The following EIF3B variants were observed in gnomAD, a reference collection of about 807,000 sequenced individuals.
The protein encoded by EIF3B is eukaryotic translation initiation factor 3 subunit B.
A neutral mutation model predicts 104.6 loss-of-function variants in EIF3B; 10 were observed. The observed-to-expected ratio is 0.10, with a 90% confidence interval of 0.06 to 0.16. The LOEUF (loss-of-function observed/expected upper bound fraction) is 0.16, where lower values mean the gene tolerates loss of function less well. Ranked by LOEUF, EIF3B falls within the 10% of genes least tolerant of loss-of-function variation. The pLI is 1.00. For synonymous variants in EIF3B, 542 were observed against 417.2 expected (o/e 1.30, Z -3.65); for missense variants, 1,014 against 1,087.9 (o/e 0.93, Z 0.96).
At chr7:2,375,910 G>A (rs755321602) in intron 14 of EIF3B, 25 of 189,328 alleles carry the variant, frequency 1.3e-4, no homozygotes, top group Admixed American at 3.3e-4. Flanking sequence ...CCCACAACTC[G>A]TATTCCAAAA....
intron 11 of EIF3B, 109 bp downstream of exon 11, chr7:2,371,958 T>C (rs557120775): frequency 4.6e-6 from 4 of 871,032 alleles, no homozygotes; most frequent in South Asian, 4.2e-5. Flanking sequence ...GTCAGGACTG[T>C]GAGCCCTCAC....
rs368514580 is a variant in EIF3B, at chr7:2,364,393, C to G, written c.1021C>G (p.Arg341Gly). Residue 341 changes from arginine (R) to glycine (G), a missense_variant, in exon 6 of 19, where the codon CGT becomes GGT. Physicochemically the swap from Arg to Gly is moderately radical, Grantham distance 125. Coordinates refer to ENST00000360876, the MANE Select transcript of EIF3B (RefSeq NM_001037283.2). ...ERARWTETYV[R>G]WSPKGTYLAT... Reference sequence around the variant, plus strand: ...GCAGAGATGGACAGAGACGTATGTGCGTTGGTCTCCTAAGGGCACCTACCT... The same window carrying G: ...GCAGAGATGGACAGAGACGTATGTGGGTTGGTCTCCTAAGGGCACCTACCT... 1.2e-6 allele frequency: 2 copies of G among 1,608,384 alleles called. No individual in the cohort carries two copies.
At chr7:2,355,516 C>A in intron 1 of EIF3B, 96 bp downstream of exon 1, 2 of 1,380,736 alleles carry the variant, frequency 1.4e-6, no homozygotes, top group South Asian at 3.2e-5. Flanking sequence ...CCGGTTCGTG[C>A]AGAAGTTCCA....
rs145283904 is a variant in EIF3B, at chr7:2,377,409, G to C, written c.2154+334G>C. On this transcript the variant is annotated intron_variant, in intron 15 of 18. Transcript: ENST00000360876. ...GTGGTAAAATAGGCCGTTGGTCTTAGGTCAGAGCAAAGAGGAGGGTTAAAT... is the reference window on the plus strand; with the variant it reads ...GTGGTAAAATAGGCCGTTGGTCTTACGTCAGAGCAAAGAGGAGGGTTAAAT... Among the ~76,000 whole-genome samples, 554 of 152,352 alleles carry C rather than the reference G, an allele frequency of 3.6e-3. 2 individuals are homozygous for C. Among genetic ancestry groups the C allele is most frequent in the African/African-American group, 0.013 (538 of 41,586 alleles).
intron 12 of EIF3B, 53 bp downstream of exon 12, chr7:2,372,848 C>T: frequency 1.9e-6 from 3 of 1,585,116 alleles, no homozygotes; most frequent in Non-Finnish European, 1.7e-6. Context: ...AGATGATGAC[C>T]CAGTCGCTGC....
intron 6 of EIF3B, among the ~76,000 whole-genome samples, chr7:2,365,220 G>A (rs1359447878): frequency 6.6e-6 from 1 of 152,222 alleles, no homozygotes; most frequent in Non-Finnish European, 1.5e-5. Flanking sequence ...AGAGTGCTGG[G>A]ATTACAGGCG....
At chr7:2,374,872 CTG>C in intron 13 of EIF3B, 1 of 384,342 alleles carries the variant, frequency 2.6e-6, no homozygotes, top group Non-Finnish European at 4.7e-6. Context: ...TTGTGGTTCT[CTG>C]TGGTTAAACA....
At position 2,379,010 on chromosome 7, in the gene EIF3B, A is replaced by T. The variant is rs6461351; in HGVS notation, c.2233-124A>T. Reference sequence around the variant, plus strand: ...GGGGAAAAGTGAGAATGAATGGACTAGCCATTCCTGCTTGAGTGCCTCTGT... The same window carrying T: ...GGGGAAAAGTGAGAATGAATGGACTTGCCATTCCTGCTTGAGTGCCTCTGT... On this transcript the variant is annotated intron_variant, in intron 16 of 18. Coordinates refer to ENST00000360876, the MANE Select transcript of EIF3B (RefSeq NM_001037283.2). 3.6e-6 allele frequency: 3 copies of T among 825,196 alleles called. No individual in the cohort carries two copies. In the South Asian group the frequency reaches 5.1e-5, roughly 14 times the overall value. 51.1% of individuals were successfully genotyped at this position (825,196 alleles called of 1,614,324 possible).
At chr7:2,358,144 G>C (rs1562474754) in intron 1 of EIF3B, among the ~76,000 whole-genome samples, 1 of 151,914 alleles carries the variant, frequency 6.6e-6, no homozygotes, top group Admixed American at 6.6e-5. Flanking sequence ...GCTCAGACTG[G>C]AGTGCAATGG....
rs554199957 is a variant in EIF3B, at chr7:2,373,171, G to A, written c.1810+376G>A. ...GGTCAGGTGCCTTTGACCAGGGTGC[G>A]CAGAGCTGTTGCACACAGCTGTACT... On this transcript the variant is annotated intron_variant, in intron 12 of 18. Coordinates refer to ENST00000360876, the MANE Select transcript of EIF3B (RefSeq NM_001037283.2). The A allele has an allele frequency of 1.4e-3, 235 of 168,484 alleles. 5 individuals carry two copies. Among genetic ancestry groups the A allele is most frequent in the Admixed American group, 0.012 (201 of 16,126 alleles). The allele number at this position is 168,484 out of a possible 1,614,324, so 10.4% of individuals were successfully genotyped here. A position where few individuals can be genotyped will look rare whatever the true frequency, so the allele number is the denominator to read the frequency against.
At position 2,355,350 on chromosome 7, in the gene EIF3B, G is replaced by T; in HGVS notation, c.429G>T (p.Leu143=). The change falls in exon 1 of 19, where the codon CTG becomes CTT. Residue 143 remains leucine (L), a synonymous_variant. Transcript: ENST00000360876. ...CGGCCGAGGCCGAACCCCGGGCGCT[G>T]GAGAACGGCGACGCGGACGAGCCCT... The part of the protein sequence containing the change: ...GRAAEAEPRA[L]ENGDADEPSF... 1 of 1,540,010 alleles carries T rather than the reference G, an allele frequency of 6.5e-7. No individual in the cohort carries two copies. The highest frequency in any genetic ancestry group is 8.7e-7 in the Non-Finnish European group (1 of 1,149,982).
intron 9 of EIF3B, among the ~76,000 whole-genome samples, chr7:2,368,213 G>C (rs1394457576): frequency 6.6e-6 from 1 of 152,128 alleles, no homozygotes; most frequent in Non-Finnish European, 1.5e-5. Flanking sequence ...CGTGATCTCG[G>C]CTGACTGCAG....
chr7:2,379,524 A>T lies in EIF3B; in HGVS notation c.*14+13A>T. ...CTGGAGCACTGTGGTGAGCGTCTGCAGGGGGCGCGATGGGGGTCCTGTTGG... is the reference window on the plus strand; with the variant it reads ...CTGGAGCACTGTGGTGAGCGTCTGCTGGGGGCGCGATGGGGGTCCTGTTGG... On this transcript the variant is annotated intron_variant, in intron 18 of 18. Transcript: ENST00000360876. The T allele has an allele frequency of 6.6e-7, 1 of 1,515,836 alleles. No homozygotes were observed. Among genetic ancestry groups the T allele is most frequent in the Non-Finnish European group, 9.0e-7 (1 of 1,113,294 alleles). 93.9% of individuals were successfully genotyped at this position (1,515,836 alleles called of 1,614,324 possible). A position where few individuals can be genotyped will look rare whatever the true frequency, so the allele number is the denominator to read the frequency against.
chr7:2,373,121 C>G (rs942574774), intron 12 of EIF3B: 3 of 196,902 alleles, frequency 1.5e-5, no homozygotes, highest in Non-Finnish European at 3.1e-5. Context: ...TTCCTGTGGA[C>G]ATACTCCTGC....
intron 13 of EIF3B, 37 bp from the exon 14 acceptor site, chr7:2,375,352 T>C: frequency 6.2e-7 from 1 of 1,610,336 alleles, no homozygotes; most frequent in South Asian, 1.1e-5. Flanking sequence ...GAGGTATGCG[T>C]CTCCATGAAG....
intron 13 of EIF3B, chr7:2,375,159 C>T: frequency 1.9e-6 from 1 of 534,450 alleles, no homozygotes; most frequent in Non-Finnish European, 3.3e-6. Flanking sequence ...CCTCAGATAA[C>T]ATTTCCAGTA....
intron 1 of EIF3B, among the ~76,000 whole-genome samples, chr7:2,356,649 A>G (rs550207584): frequency 1.3e-5 from 2 of 151,926 alleles, no homozygotes; most frequent in South Asian, 2.1e-4. Context: ...CAGAAATACA[A>G]GTCAGCCAGG....
rs377297329 is a variant in EIF3B at position 2,379,625 on chromosome 7, A to G, written c.*14+114A>G. The G allele has an allele frequency of 2.6e-5, 19 of 720,466 alleles. No homozygotes were observed. In the African/African-American group the frequency reaches 3.0e-4, roughly 11 times the overall value. 44.6% of individuals were successfully genotyped at this position (720,466 alleles called of 1,614,324 possible). ...AGGCAGGGGTGAAGGGTGAAGCCCT[A>G]GTGTCATGTGCCCAGGGTTAGCTGA... On this transcript the variant is annotated intron_variant, in intron 18 of 18. Transcript: ENST00000360876.
intron 11 of EIF3B, 158 bp downstream of exon 11, chr7:2,372,007 G>A (rs939668111): frequency 9.9e-5 from 64 of 646,638 alleles, no homozygotes; most frequent in Non-Finnish European, 3.9e-5. Flanking sequence ...CGTGTTTAGA[G>A]CCTGGGCAAC....
Sources: allele counts gnomAD v4.1 joint callset (sites outside exome capture counted in the v4.1 genomes callset), GRCh38; gene constraint gnomAD v4.1.1; transcripts MANE v1.5; gene names NCBI Gene and HGNC (gene_info 2026-07-23, HGNC 2026-07-21).